Variants in LPL observed in about 807,000 individuals in gnomAD.
LPL encodes the protein lipoprotein lipase, also known as phospholipase A1.
Under a neutral mutation model 52.2 loss-of-function variants are expected in LPL, and 43 were observed. The ratio of observed to expected loss-of-function variants is 0.82; its 90% CI spans 0.64 to 1.06. The LOEUF (loss-of-function observed/expected upper bound fraction) is 1.06, where lower values mean the gene tolerates loss of function less well. LPL is among the 50% of genes least tolerant of loss of function. The pLI is 0.00. For synonymous variants in LPL, 244 were observed against 215.6 expected (o/e 1.13, Z -1.15); for missense variants, 639 against 585.3 (o/e 1.09, Z -0.95).
At chr8:19,942,071 G>A (rs1048800881) in intron 1 of LPL, among the ~76,000 whole-genome samples, 6 of 152,328 alleles carry the variant, frequency 3.9e-5, no homozygotes, top group Middle Eastern at 3.4e-3. Context: ...AGAGCTCAGC[G>A]AGGGAGTGAT....
chr8:19,959,192 CCTGA>C lies in LPL; in HGVS notation c.1019-65_1019-62del, dbSNP rs576695863. ...GAGATACTTCTGTGGTTCTGAATTG[CCTGA>C]CTATTTGGGGTTGTGATATTTTCAT... On this transcript the variant is annotated intron_variant, in intron 6 of 9. Transcript: ENST00000650287. The C allele has an allele frequency of 2.2e-3, 3,595 of 1,604,374 alleles. 10 individuals are homozygous for C. Among genetic ancestry groups the C allele is most frequent in the Non-Finnish European group, 2.4e-3 (2,777 of 1,172,448 alleles).
In LPL at chr8:19,959,392, A is replaced by AG. The variant is rs1290510338; in HGVS notation, c.1139+18dup. 6.2e-7 allele frequency: 1 copy of AG among 1,613,848 alleles called. No homozygotes were observed. Among genetic ancestry groups the AG allele is most frequent in the South Asian group, 1.1e-5 (1 of 91,066 alleles). On this transcript the variant is annotated intron_variant, in intron 7 of 9. Coordinates refer to ENST00000650287, the MANE Select transcript of LPL (RefSeq NM_000237.3). The stretch of plus-strand genomic sequence containing the variant: ...ATCCCATTCACTCTGTGAGTAGCAC[A>AG]GGGGGGCGGTCATCATGGCACCAGT...
chr8:19,951,731 G>C (rs1346510783), intron 2 of LPL, 38 bp from the exon 3 acceptor site: 2 of 1,610,398 alleles, frequency 1.2e-6, no homozygotes, highest in African/African-American at 2.7e-5. Context: ...ACAAGTGGTA[G>C]GTGGGTATTT....
intron 8 of LPL, among the ~76,000 whole-genome samples, chr8:19,961,293 A>T (rs932421578): frequency 4.0e-5 from 6 of 151,494 alleles, no homozygotes; most frequent in Non-Finnish European, 7.4e-5. Context: ...TTTGTATTTC[A>T]TGTAAGGAAA....
chr8:19,964,972 AG>A lies in LPL; in HGVS notation c.*-337del, dbSNP rs757970985. On this transcript the variant is annotated intron_variant, in intron 9 of 9. Coordinates refer to ENST00000650287, the MANE Select transcript of LPL (RefSeq NM_000237.3). ...TTCTCACACCTTCTGCTAACTCCTCAGAAACCTCATATCACAAGAAATGAAA... is the reference window on the plus strand; with the variant it reads ...TTCTCACACCTTCTGCTAACTCCTCAAAACCTCATATCACAAGAAATGAAA... Among the ~76,000 whole-genome samples, 15 of 152,232 alleles carry A rather than the reference AG, an allele frequency of 9.9e-5. 1 individual carries two copies. Among genetic ancestry groups the A allele is most frequent in the Non-Finnish European group, 8.8e-5 (6 of 68,036 alleles).
Position 19,953,344 on chromosome 8 carries a change from T to C in LPL, c.464T>C (p.Leu155Pro). The change falls in exon 4 of 10, where the codon CTC becomes CCC. Residue 155 changes from leucine to proline, a missense_variant. Physicochemically the swap from Leu to Pro is moderately conservative, Grantham distance 98. Coordinates refer to ENST00000650287, the MANE Select transcript of LPL (RefSeq NM_000237.3). ...AACTACCCTCTGGACAATGTCCATC[T>C]CTTGGGATACAGCCTTGGAGCCCAT... Reference protein sequence around the residue: ...EFNYPLDNVHLLGYSLGAHAA... With the variant: ...EFNYPLDNVHPLGYSLGAHAA... 6.2e-7 allele frequency: 1 copy of C among 1,614,016 alleles called. No homozygotes were observed. The highest frequency in any genetic ancestry group is 8.5e-7 in the Non-Finnish European group (1 of 1,179,862).
rs559356204 is a variant in LPL at position 19,941,803 on chromosome 8, T to C, written c.88+2275T>C. Among the ~76,000 whole-genome samples, 5 of 152,302 alleles carry C rather than the reference T, an allele frequency of 3.3e-5. No homozygotes were observed. The South Asian group carries it at 8.3e-4, about 25-fold the overall frequency. Reference sequence around the variant, plus strand: ...GACAGGGATCACCTCCTCTGGGCTCTTGAGTTTACTTATTCATTCTGGATT... The same window carrying C: ...GACAGGGATCACCTCCTCTGGGCTCCTGAGTTTACTTATTCATTCTGGATT... On this transcript the variant is annotated intron_variant, in intron 1 of 9. Transcript: ENST00000650287.
At chr8:19,957,956 G>C (rs1004987285) in intron 6 of LPL, among the ~76,000 whole-genome samples, 1 of 151,422 alleles carries the variant, frequency 6.6e-6, no homozygotes, top group African/African-American at 2.4e-5. Flanking sequence ...CAAGGATAGT[G>C]GGATATAGAA....
At chr8:19,951,148 T>C (rs1024855875) in intron 2 of LPL, among the ~76,000 whole-genome samples, 3 of 152,216 alleles carry the variant, frequency 2.0e-5, no homozygotes, top group African/African-American at 4.8e-5. Context: ...ATGCATGTGA[T>C]ACATCCCAGC....
At chr8:19,952,439 G>C (rs1450456479) in intron 3 of LPL, among the ~76,000 whole-genome samples, 1 of 152,170 alleles carries the variant, frequency 6.6e-6, no homozygotes, top group African/African-American at 2.4e-5. Flanking sequence ...TGTTGGAAGG[G>C]AAGGTGCATA....
At chr8:19,949,768 C>A (rs944191638) in intron 2 of LPL, among the ~76,000 whole-genome samples, 1 of 152,198 alleles carries the variant, frequency 6.6e-6, no homozygotes, top group Admixed American at 6.5e-5. Context: ...CAGGCGAGAG[C>A]CACTGCATCT....
At position 19,953,324 on chromosome 8, in the gene LPL, C is replaced by T. The variant is rs1304275416; in HGVS notation, c.444C>T (p.Tyr148=). 6.2e-7 allele frequency: 1 copy of T among 1,611,150 alleles called. No homozygotes were observed. The highest frequency in any genetic ancestry group is 8.5e-7 in the Non-Finnish European group (1 of 1,177,274). Residue 148 remains tyrosine, a synonymous_variant, in exon 4 of 10, where the codon TAC becomes TAT. Transcript: ENST00000650287. ...FINWMEEEFN[Y]PLDNVHLLGY... ...TTCTTCCAAAGGAGGAGTTTAACTA[C>T]CCTCTGGACAATGTCCATCTCTTGG...
At chr8:19,948,951 T>C (rs564668170) in intron 2 of LPL, among the ~76,000 whole-genome samples, 2 of 150,848 alleles carry the variant, frequency 1.3e-5, no homozygotes, top group Admixed American at 1.3e-4. Context: ...AAAAAAGGGC[T>C]GGGCAGGGAA....
intron 3 of LPL, among the ~76,000 whole-genome samples, chr8:19,952,948 G>C (rs2069948313): frequency 6.6e-6 from 1 of 152,120 alleles, no homozygotes; most frequent in South Asian, 2.1e-4. Context: ...ATGTGTATAT[G>C]TTTGTACGTA....
intron 7 of LPL, among the ~76,000 whole-genome samples, chr8:19,959,804 T>TTTTTTTTTTTTTTTA (rs1157464321): frequency 7.5e-6 from 1 of 133,366 alleles, no homozygotes; most frequent in Non-Finnish European, 1.6e-5. Context: ...TTTTTTTTTT[T>TTTTTTTTTTTTTTTA]TTGAGATGGA....
In LPL at chr8:19,955,965, G is replaced by A. The variant is rs748234170; in HGVS notation, c.900G>A (p.Gly300=). Reference sequence around the variant, plus strand: ...GTTCCAAGGAAGCCTTTGAGAAAGGGCTCTGCTTGAGTTGTAGAAAGAACC... The same window carrying A: ...GTTCCAAGGAAGCCTTTGAGAAAGGACTCTGCTTGAGTTGTAGAAAGAACC... ...RCSSKEAFEK[G]LCLSCRKNRC... The change falls in exon 6 of 10, where the codon GGG becomes GGA. Residue 300 remains glycine, a synonymous_variant. Coordinates refer to ENST00000650287, the MANE Select transcript of LPL (RefSeq NM_000237.3). 22 of 1,614,162 alleles carry A rather than the reference G, an allele frequency of 1.4e-5. No individual in the cohort carries two copies. The East Asian group carries it at 4.2e-4, about 31-fold the overall frequency.
chr8:19,966,650 G>C lies in LPL; in HGVS notation c.*1340G>C, dbSNP rs1462590353. 2 of 152,186 alleles carry C rather than the reference G, an allele frequency of 1.3e-5. No individual in the cohort carries two copies. Among genetic ancestry groups the C allele is most frequent in the Non-Finnish European group, 2.9e-5 (2 of 68,030 alleles). The allele number at this position is 152,186 out of a possible 1,614,324, so 9.4% of individuals were successfully genotyped here. A position where few individuals can be genotyped will look rare whatever the true frequency, so the allele number is the denominator to read the frequency against. ...TACTAGAAAGCTCTGCATGTGTGTT[G>C]TCCTTCAGCATAATTCGGAAGGGAA... On this transcript the variant is annotated 3_prime_UTR_variant, in exon 10 of 10. Coordinates refer to ENST00000650287, the MANE Select transcript of LPL (RefSeq NM_000237.3).
intron 1 of LPL, among the ~76,000 whole-genome samples, chr8:19,945,849 ACAT>A (rs1227594965): frequency 1.5e-4 from 23 of 152,328 alleles, no homozygotes; most frequent in African/African-American, 5.5e-4. Context: ...CAGATTGTTC[ACAT>A]CATCTCTGCT....
rs776585907 is a variant in LPL at position 19,955,869 on chromosome 8, C to G, written c.804C>G (p.His268Gln). The G allele has an allele frequency of 6.2e-7, 1 of 1,614,034 alleles. No individual in the cohort carries two copies. Among genetic ancestry groups the G allele is most frequent in the Non-Finnish European group, 8.5e-7 (1 of 1,180,022 alleles). ...TGGACCAGCTAGTGAAGTGCTCCCA[C>G]GAGCGCTCCATTCATCTCTTCATCG... ...GDVDQLVKCS[H>Q]ERSIHLFIDS... The change falls in exon 6 of 10, where the codon CAC becomes CAG. Residue 268 changes from histidine to glutamine, a missense_variant. Coordinates refer to ENST00000650287, the MANE Select transcript of LPL (RefSeq NM_000237.3).
Sources: gnomAD v4.1 joint callset for allele counts (sites outside exome capture counted in the v4.1 genomes callset) on GRCh38, gnomAD v4.1.1 for gene constraint, MANE v1.5 for transcripts, NCBI Gene and HGNC (gene_info 2026-07-23, HGNC 2026-07-21) for gene names.